The following ADAM32 variants were observed in gnomAD, a reference collection of about 807,000 sequenced individuals.
The protein encoded by ADAM32 is disintegrin and metalloproteinase domain-containing protein 32.
A neutral mutation model predicts 114.9 loss-of-function variants in ADAM32; 89 were observed. The ratio of observed to expected loss-of-function variants is 0.77; its 90% CI spans 0.65 to 0.92. The LOEUF (loss-of-function observed/expected upper bound fraction) is 0.92. ADAM32 is among the 40% of genes least tolerant of loss of function. ADAM32 has a pLI of 0.00. For synonymous variants in ADAM32, 285 were observed against 307.5 expected, an observed-to-expected ratio of 0.93 and a Z score of 0.77; for missense variants, 870 against 932.8, an observed-to-expected ratio of 0.93 and a Z score of 0.88.
At chr8:39,171,820 A>C (rs1356299253) in intron 10 of ADAM32, among the ~76,000 whole-genome samples, 2 of 151,098 alleles carry the variant, frequency 1.3e-5, no homozygotes, top group African/African-American at 4.8e-5. Flanking sequence ...ATATTTAAAT[A>C]TTGGTTCTTA....
At chr8:39,152,720 C>CAAAAAAA (rs112877602) in intron 6 of ADAM32, among the ~76,000 whole-genome samples, 4 of 136,856 alleles carry the variant, frequency 2.9e-5, no homozygotes, top group African/African-American at 1.2e-4. Flanking sequence ...GACTCCATCT[C>CAAAAAAA]AAAAAAAAAA....
intron 2 of ADAM32, among the ~76,000 whole-genome samples, chr8:39,128,765 C>T (rs1201487642): frequency 6.6e-6 from 1 of 152,106 alleles, no homozygotes; most frequent in East Asian, 1.9e-4. Context: ...ATTTCTCCTT[C>T]AGTTATGCAG....
chr8:39,158,634 C>T, intron 6 of ADAM32: 1 of 209,096 alleles, frequency 4.8e-6, no homozygotes, highest in Non-Finnish European at 9.9e-6. Context: ...ATGATGCCTA[C>T]TGCTGTGTTT....
chr8:39,234,852 G>C (rs2129449493), intron 16 of ADAM32, among the ~76,000 whole-genome samples: 2 of 152,332 alleles, frequency 1.3e-5, no homozygotes, highest in East Asian at 3.9e-4. Flanking sequence ...AGAACTTAAA[G>C]GCATTTCTCC....
At chr8:39,254,105 G>A in intron 17 of ADAM32, among the ~76,000 whole-genome samples, 1 of 151,514 alleles carries the variant, frequency 6.6e-6, no homozygotes, top group African/African-American at 2.4e-5. Context: ...TCACTGGAGG[G>A]GTCACATTTT....
chr8:39,263,727 T>G (rs1016999275), intron 19 of ADAM32, among the ~76,000 whole-genome samples: 2 of 152,198 alleles, frequency 1.3e-5, no homozygotes, highest in Admixed American at 1.3e-4. Flanking sequence ...CTCTGGGCAC[T>G]GGTGGATCTG....
At chr8:39,251,021 C>A (rs1357762839) in intron 17 of ADAM32, among the ~76,000 whole-genome samples, 3 of 151,828 alleles carry the variant, frequency 2.0e-5, no homozygotes, top group Non-Finnish European at 4.4e-5. Flanking sequence ...ATTTTTATAG[C>A]CTATGTTTTA....
chr8:39,240,536 C>A (rs961574934), intron 16 of ADAM32, among the ~76,000 whole-genome samples: 2 of 152,170 alleles, frequency 1.3e-5, no homozygotes, highest in African/African-American at 4.8e-5. Flanking sequence ...TCATGTTGCT[C>A]ATAGACATAC....
At chr8:39,166,904 T>A (rs1327675956) in intron 9 of ADAM32, 1 of 152,172 alleles carries the variant, frequency 6.6e-6, no homozygotes, top group African/African-American at 2.4e-5. Flanking sequence ...TTCTTACTGA[T>A]TTGTTTGAGT....
chr8:39,146,201 A>G lies in ADAM32; in HGVS notation c.201-929A>G, dbSNP rs754939897. ...AAGAGTGAACATGAAGTGAGGAAGC[A>G]TAACTAAAATAGCATCATGAGTACA... is the stretch of plus-strand genomic sequence containing the variant. On this transcript the variant is annotated intron_variant, in intron 3 of 24. Coordinates refer to ENST00000379907, the MANE Select transcript of ADAM32 (RefSeq NM_145004.7). 4.6e-5 allele frequency among the ~76,000 whole-genome samples: 7 copies of G among 152,170 alleles called. 1 individual carries two copies. Among genetic ancestry groups the G allele is most frequent in the Non-Finnish European group, 1.0e-4 (7 of 68,036 alleles).
intron 20 of ADAM32, among the ~76,000 whole-genome samples, chr8:39,272,711 C>T (rs1238564169): frequency 6.6e-6 from 1 of 152,182 alleles, no homozygotes; most frequent in African/African-American, 2.4e-5. Flanking sequence ...TAGGGCATTA[C>T]TGAGTCCTAC....
At chr8:39,254,288 A>G (rs1279639985) in intron 17 of ADAM32, 126 bp from the exon 18 acceptor site, 2 of 618,166 alleles carry the variant, frequency 3.2e-6, no homozygotes, top group Non-Finnish European at 5.2e-6. Flanking sequence ...CAAACATTTG[A>G]TATGTGAGAC....
upstream of ADAM32, chr8:39,107,697 C>G (rs1588448912): frequency 1.3e-6 from 2 of 1,546,154 alleles, no homozygotes; most frequent in Non-Finnish European, 1.7e-6. Context: ...GGAGCGGCCC[C>G]CGGCGTCCGC....
chr8:39,237,271 A>T (rs1810218621), intron 16 of ADAM32, among the ~76,000 whole-genome samples: 1 of 152,212 alleles, frequency 6.6e-6, no homozygotes, highest in Admixed American at 6.5e-5. Flanking sequence ...TGGGGAGGAC[A>T]GCCAGTGGAA....
At chr8:39,251,454 C>T (rs1585646687) in intron 17 of ADAM32, among the ~76,000 whole-genome samples, 1 of 151,698 alleles carries the variant, frequency 6.6e-6, no homozygotes, top group Non-Finnish European at 1.5e-5. Context: ...GCATCTCTCT[C>T]ATAATTAGTG....
At chr8:39,118,933 A>T (rs1363926075) in intron 2 of ADAM32, among the ~76,000 whole-genome samples, 3 of 152,198 alleles carry the variant, frequency 2.0e-5, no homozygotes, top group Non-Finnish European at 4.4e-5. Context: ...AGCCCTTGGC[A>T]ACCGCTGATC....
rs540375714 is a variant in ADAM32, at chr8:39,126,221, T to C, written c.138+8056T>C. Among the ~76,000 whole-genome samples, 5 of 152,296 alleles carry C rather than the reference T, an allele frequency of 3.3e-5. No individual in the cohort carries two copies. In the East Asian group the frequency reaches 5.8e-4, roughly 18 times the overall value. ...ATTCTATGAAGAATGTCAATGGTAGTGTAATGGAAATAACATGGAATCTAT... is the reference window on the plus strand; with the variant it reads ...ATTCTATGAAGAATGTCAATGGTAGCGTAATGGAAATAACATGGAATCTAT... On this transcript the variant is annotated intron_variant, in intron 2 of 24. Coordinates refer to ENST00000379907, the MANE Select transcript of ADAM32 (RefSeq NM_145004.7).
intron 2 of ADAM32, among the ~76,000 whole-genome samples, chr8:39,131,662 G>A (rs1287338128): frequency 6.6e-6 from 1 of 152,178 alleles, no homozygotes; most frequent in African/African-American, 2.4e-5. Flanking sequence ...TAATGTGTGT[G>A]CACTTACAAT....
chr8:39,255,233 G>T (rs762867014), intron 18 of ADAM32, among the ~76,000 whole-genome samples: 3 of 151,666 alleles, frequency 2.0e-5, no homozygotes, highest in Non-Finnish European at 4.4e-5. Flanking sequence ...ACTTCCTCTG[G>T]GTAGATTTCC....
Sources: allele counts gnomAD v4.1 joint callset (sites outside exome capture counted in the v4.1 genomes callset), GRCh38; gene constraint gnomAD v4.1.1; transcripts MANE v1.5; gene names NCBI Gene and HGNC (gene_info 2026-07-23, HGNC 2026-07-21).